Variants in PLXNA4 observed in about 807,000 individuals in gnomAD.
PLXNA4 encodes plexin-A4.
Under a neutral mutation model 191.8 loss-of-function variants are expected in PLXNA4, and 44 were observed. That is an observed-to-expected ratio of 0.23 (90% CI 0.18 to 0.29). PLXNA4 has a LOEUF of 0.29. PLXNA4 is among the 10% of genes least tolerant of loss of function. The pLI is 1.00. For missense variants in PLXNA4, 1,800 were observed against 2,488.8 expected (o/e 0.72, Z 5.89); for synonymous variants, 1,082 against 1,009.5 (o/e 1.07, Z -1.36).
chr7:132,278,802 T>C (rs555573791), intron 4 of PLXNA4, among the ~76,000 whole-genome samples: 6 of 152,322 alleles, frequency 3.9e-5, no homozygotes, highest in African/African-American at 1.2e-4. Context: ...CATTGGAGTC[T>C]GTCCCTCTCA....
In PLXNA4 at chr7:132,282,997, C is replaced by T. The variant is rs557902027; in HGVS notation, c.1503+15094G>A. 3.9e-5 allele frequency among the ~76,000 whole-genome samples: 6 copies of T among 151,978 alleles called. No individual in the cohort carries two copies. In the East Asian group the frequency reaches 5.8e-4, roughly 15 times the overall value. ...GCTCAAGTGATCCTCCCACCTCAGC[C>T]CCCCCCAAGTAACTGGGACCTACAG... On this transcript the variant is annotated intron_variant, in intron 4 of 31. Transcript: ENST00000321063.
At chr7:132,265,537 A>G (rs1223404964) in intron 4 of PLXNA4, among the ~76,000 whole-genome samples, 1 of 152,230 alleles carries the variant, frequency 6.6e-6, no homozygotes, top group East Asian at 1.9e-4. Context: ...TGGCAGGAGA[A>G]CAGCAAGAAG....
chr7:132,541,879 C>T (rs1402351274), intron 1 of PLXNA4, among the ~76,000 whole-genome samples: 1 of 152,210 alleles, frequency 6.6e-6, no homozygotes, highest in African/African-American at 2.4e-5. Context: ...GCCAGGTAAG[C>T]CACGTGAGAG....
chr7:132,286,075 C>G (rs890983801), intron 4 of PLXNA4, among the ~76,000 whole-genome samples: 1 of 152,220 alleles, frequency 6.6e-6, no homozygotes, highest in South Asian at 2.1e-4. Flanking sequence ...TCCCTGATCC[C>G]TAACTCCATG....
chr7:132,451,401 C>A (rs1423448743), intron 3 of PLXNA4, among the ~76,000 whole-genome samples: 1 of 152,168 alleles, frequency 6.6e-6, no homozygotes, highest in Non-Finnish European at 1.5e-5. Flanking sequence ...ATCCCCTTCA[C>A]CACCAAGAGC....
intron 9 of PLXNA4, among the ~76,000 whole-genome samples, chr7:132,220,932 C>A (rs1174678063): frequency 6.6e-6 from 1 of 151,388 alleles, no homozygotes; most frequent in Non-Finnish European, 1.5e-5. Context: ...CCCATCTCAG[C>A]CTCTCAAGTA....
At chr7:132,432,036 C>A (rs983682031) in intron 3 of PLXNA4, among the ~76,000 whole-genome samples, 3 of 152,158 alleles carry the variant, frequency 2.0e-5, no homozygotes, top group African/African-American at 7.2e-5. Context: ...CTCTCCCCCA[C>A]ACCTTTTTAG....
At chr7:132,429,511 T>C (rs1795181889) in intron 3 of PLXNA4, among the ~76,000 whole-genome samples, 1 of 152,242 alleles carries the variant, frequency 6.6e-6, no homozygotes, top group Non-Finnish European at 1.5e-5. Context: ...TAAGCATGGC[T>C]GTGTTCTAGC....
chr7:132,554,848 T>A (rs533492966), intron 1 of PLXNA4, among the ~76,000 whole-genome samples: 4 of 152,262 alleles, frequency 2.6e-5, no homozygotes, highest in Admixed American at 2.6e-4. Context: ...CTCTCTGGTC[T>A]CTGATGGACC....
intron 30 of PLXNA4, among the ~76,000 whole-genome samples, chr7:132,138,279 G>A (rs572187289): frequency 6.6e-6 from 1 of 152,264 alleles, no homozygotes; most frequent in Admixed American, 6.5e-5. Flanking sequence ...GTCTCCATTT[G>A]ACCAACAGCA....
intron 3 of PLXNA4, among the ~76,000 whole-genome samples, chr7:132,465,540 T>C (rs1796667162): frequency 6.6e-6 from 1 of 152,232 alleles, no homozygotes. Flanking sequence ...GACCATGTTT[T>C]ATTCCTAGTG....
intron 3 of PLXNA4, among the ~76,000 whole-genome samples, chr7:132,426,503 G>C (rs544692318): frequency 6.6e-6 from 1 of 152,318 alleles, no homozygotes; most frequent in East Asian, 1.9e-4. Context: ...AGGGGCAGCA[G>C]CAGGTGTTTG....
rs114654362 is a variant in PLXNA4, at chr7:132,255,662, C to T, written c.1504-14496G>A. Among the ~76,000 whole-genome samples, 361 of 152,308 alleles carry T rather than the reference C, an allele frequency of 2.4e-3. 1 individual carries two copies. The highest frequency in any genetic ancestry group is 8.0e-3 in the African/African-American group (331 of 41,558). ...GGGATCTCACAGTCTTATTCCTAACCTGACCACTGACTCCACTGGGTGATG... is the reference window on the plus strand; with the variant it reads ...GGGATCTCACAGTCTTATTCCTAACTTGACCACTGACTCCACTGGGTGATG... On this transcript the variant is annotated intron_variant, in intron 4 of 31. Transcript: ENST00000321063.
At chr7:132,169,590 A>G (rs7782558) in intron 21 of PLXNA4, among the ~76,000 whole-genome samples, 52,934 of 152,028 alleles carry the variant, frequency 0.35, 10,905 homozygotes, top group African/African-American at 0.56. Context: ...CCAGATGCTA[A>G]AGAGGGCATA....
At chr7:132,647,467 A>C (rs1192911290) in intron 1 of PLXNA4, among the ~76,000 whole-genome samples, 1 of 152,070 alleles carries the variant, frequency 6.6e-6, no homozygotes, top group East Asian at 1.9e-4. Flanking sequence ...ACACAGTCAC[A>C]CATATACTCA....
chr7:132,125,623 T>C lies in PLXNA4; in HGVS notation c.*4856A>G, dbSNP rs1005862098. ...CCACAGTTTTGTTTTGTTTTGTTTT[T>C]TTTAAAGGAAGAGGCTGAGGGTTCA... On this transcript the variant is annotated 3_prime_UTR_variant, in exon 32 of 32. Transcript: ENST00000321063. 1 of 152,218 alleles carries C rather than the reference T, an allele frequency of 6.6e-6. No individual in the cohort carries two copies. The highest frequency in any genetic ancestry group is 2.1e-4 in the South Asian group (1 of 4,830). The allele number at this position is 152,218 out of a possible 1,614,324, so 9.4% of individuals were successfully genotyped here. A position where few individuals can be genotyped will look rare whatever the true frequency, so the allele number is the denominator to read the frequency against.
In PLXNA4 at chr7:132,298,232, A is replaced by G; in HGVS notation, c.1372-10T>C. 1 of 1,607,572 alleles carries G rather than the reference A, an allele frequency of 6.2e-7. No homozygotes were observed. On this transcript the variant is annotated splice_polypyrimidine_tract_variant and intron_variant, in intron 3 of 31. Transcript: ENST00000321063. ...GTCCATCCACCCGGATCTGTGGAGA[A>G]GAAGAGGAGAGCCAAAGTGAGTTCA...
intron 3 of PLXNA4, among the ~76,000 whole-genome samples, chr7:132,334,252 C>T (rs868607928): frequency 3.7e-4 from 28 of 75,598 alleles, no homozygotes; most frequent in African/African-American, 1.2e-3. Context: ...TTCTTTCTTT[C>T]TTTTTTTTTT....
intron 1 of PLXNA4, among the ~76,000 whole-genome samples, chr7:132,549,458 T>G (rs1477542385): frequency 6.6e-6 from 1 of 152,174 alleles, no homozygotes; most frequent in African/African-American, 2.4e-5. Context: ...TGGCTACTCA[T>G]GAGAATCACC....
Sources: allele counts gnomAD v4.1 joint callset (sites outside exome capture counted in the v4.1 genomes callset), GRCh38; gene constraint gnomAD v4.1.1; transcripts MANE v1.5; gene names NCBI Gene and HGNC (gene_info 2026-07-23, HGNC 2026-07-21).